The following TRAP1 variants were observed in gnomAD, a reference collection of about 807,000 sequenced individuals.
The protein encoded by TRAP1 is heat shock protein 75 kDa, mitochondrial.
Under a neutral mutation model 89.1 loss-of-function variants are expected in TRAP1, and 102 were observed. The ratio of observed to expected loss-of-function variants is 1.15; its 90% CI spans 0.98 to 1.35. The LOEUF is 1.35. Among genes scored for constraint, TRAP1 ranks in the 40% most tolerant of loss-of-function variants. The probability of loss-of-function intolerance (pLI) is 0.00; values close to 1 mark genes in which losing one functional copy is unlikely to be tolerated. For missense variants in TRAP1, 1,256 were observed against 945.3 expected (o/e 1.33, Z -4.31); for synonymous variants, 508 against 388.0 (o/e 1.31, Z -3.64).
chr16:3,662,780 G>A (rs1376741659), intron 15 of TRAP1, 102 bp downstream of exon 15: 1 of 1,099,984 alleles, frequency 9.1e-7, no homozygotes, highest in Non-Finnish European at 1.4e-6. Flanking sequence ...TTCTGCTGCT[G>A]CTGGAAGGAC....
At chr16:3,673,121 G>A (rs936206764) in intron 9 of TRAP1, among the ~76,000 whole-genome samples, 1 of 152,090 alleles carries the variant, frequency 6.6e-6, no homozygotes, top group South Asian at 2.1e-4. Context: ...CCTTGCTACA[G>A]GTCAGGGATC....
intron 2 of TRAP1, among the ~76,000 whole-genome samples, 169 bp from the exon 3 acceptor site, chr16:3,689,306 A>G (rs1201470932): frequency 2.1e-5 from 3 of 143,942 alleles, no homozygotes; most frequent in Non-Finnish European, 4.5e-5. Flanking sequence ...GTACAGTGGC[A>G]CGATCTCGGC....
intron 16 of TRAP1, 143 bp from the exon 17 acceptor site, chr16:3,659,008 T>TATAG (rs1567216534): frequency 1.3e-6 from 1 of 770,554 alleles, no homozygotes; most frequent in East Asian, 2.8e-5. Context: ...AATGATCATT[T>TATAG]ATAGATAATA....
intron 1 of TRAP1, among the ~76,000 whole-genome samples, chr16:3,701,448 G>A (rs754428056): frequency 6.6e-6 from 1 of 151,788 alleles, no homozygotes; most frequent in Non-Finnish European, 1.5e-5. Flanking sequence ...AGCACTTTGG[G>A]AGGCTGAAAC....
intron 13 of TRAP1, 76 bp downstream of exon 13, chr16:3,664,198 C>G: frequency 6.3e-6 from 9 of 1,424,612 alleles, no homozygotes; most frequent in Non-Finnish European, 8.3e-6. Flanking sequence ...CAGGTTCACC[C>G]AGCACAGAGC....
At chr16:3,672,608 G>T (rs2050929115) in intron 10 of TRAP1, 92 bp downstream of exon 10, 8 of 1,466,560 alleles carry the variant, frequency 5.5e-6, no homozygotes, top group Non-Finnish European at 3.6e-6. Flanking sequence ...GCTGCAGAGG[G>T]CTGCTGAGAA....
rs113742805 is a variant in TRAP1, at chr16:3,679,093, T to C, written c.543+626A>G. Among the ~76,000 whole-genome samples, 17 of 152,100 alleles carry C rather than the reference T, an allele frequency of 1.1e-4. No individual in the cohort carries two copies. The South Asian group carries it at 1.5e-3, about 13-fold the overall frequency. On this transcript the variant is annotated intron_variant, in intron 5 of 17. Transcript: ENST00000246957. ...GCCTCAGGAGGCTGAGGCTGGAGGATAGCCCGGCCAACATGGTGAAACCCC... is the reference window on the plus strand; with the variant it reads ...GCCTCAGGAGGCTGAGGCTGGAGGACAGCCCGGCCAACATGGTGAAACCCC...
chr16:3,677,421 T>C (rs2151257955), intron 6 of TRAP1, 77 bp downstream of exon 6: 1 of 1,580,008 alleles, frequency 6.3e-7, no homozygotes, highest in Non-Finnish European at 8.7e-7. Context: ...GTTTTCTGAG[T>C]CCATCCCTTT....
intron 11 of TRAP1, among the ~76,000 whole-genome samples, chr16:3,671,149 T>G (rs1050682570): frequency 1.3e-5 from 2 of 152,012 alleles, no homozygotes; most frequent in African/African-American, 4.8e-5. Flanking sequence ...AGCTGAATCC[T>G]CACCCCACAG....
intron 16 of TRAP1, chr16:3,660,039 C>T (rs1038562579): frequency 5.2e-4 from 79 of 152,286 alleles, no homozygotes; most frequent in African/African-American, 1.6e-3. Context: ...ACAGAGGAAA[C>T]ACTTCAAATG....
intron 2 of TRAP1, among the ~76,000 whole-genome samples, chr16:3,690,355 T>C (rs1010229285): frequency 6.6e-6 from 1 of 152,144 alleles, no homozygotes; most frequent in African/African-American, 2.4e-5. Flanking sequence ...GAAATCAAAA[T>C]AACAAGAAAA....
intron 11 of TRAP1, among the ~76,000 whole-genome samples, chr16:3,667,990 G>A (rs563304580): frequency 3.3e-4 from 49 of 146,314 alleles, no homozygotes; most frequent in African/African-American, 1.1e-3. Flanking sequence ...GTGCAGTGGC[G>A]TGATTTTGGC....
chr16:3,658,855 T>C lies in TRAP1; in HGVS notation c.1951A>G (p.Ile651Val). The C allele has an allele frequency of 6.2e-7, 1 of 1,614,072 alleles. No individual in the cohort carries two copies. The highest frequency in any genetic ancestry group is 8.5e-7 in the Non-Finnish European group (1 of 1,180,010). ...GCGCGCAGCTGATTCAGCTTCTTGA[T>C]GAGCGCGTGCCTGCAACACAGAACC... ...TLEINPRHAL[I>V]KKLNQLRASE... Residue 651 changes from isoleucine to valine, a missense_variant, in exon 17 of 18, where the codon ATC (isoleucine) becomes GTC (valine). Physicochemically the swap from Ile to Val is conservative, Grantham distance 29 (BLOSUM62 3). Coordinates refer to ENST00000246957, the MANE Select transcript of TRAP1 (RefSeq NM_016292.3).
intron 1 of TRAP1, among the ~76,000 whole-genome samples, chr16:3,695,873 GAA>G (rs2051280504): frequency 6.6e-6 from 1 of 152,176 alleles, no homozygotes; most frequent in Admixed American, 6.5e-5. Flanking sequence ...CACAGTTGAA[GAA>G]AAGTCACTGA....
chr16:3,715,459 G>C (rs1350601481), intron 1 of TRAP1, among the ~76,000 whole-genome samples: 1 of 151,980 alleles, frequency 6.6e-6, no homozygotes, highest in Non-Finnish European at 1.5e-5. Flanking sequence ...AAAAGAAAAA[G>C]AGATAAAGAA....
At position 3,677,636 on chromosome 16, in the gene TRAP1, T is replaced by C. The variant is rs760335713; in HGVS notation, c.566A>G (p.Asn189Ser). Residue 189 changes from asparagine (N) to serine (S), a missense_variant, in exon 6 of 18, where the codon AAC becomes AGC. Asn to Ser is a conservative substitution (Grantham distance 46). Transcript: ENST00000246957. ...GATCTTGCTGCTGGCCTCAGCCTGG[T>C]TCTGCAGAGCATCCAGGAAGGCCTG... ...GSKAFLDALQNQAEASSKIIG... is the reference protein window; with the variant it reads ...GSKAFLDALQSQAEASSKIIG... The C allele has an allele frequency of 6.2e-7, 1 of 1,613,996 alleles. No individual in the cohort carries two copies. The highest frequency in any genetic ancestry group is 1.1e-5 in the South Asian group (1 of 91,086).
At chr16:3,704,805 G>C (rs2051417899) in intron 1 of TRAP1, among the ~76,000 whole-genome samples, 1 of 152,114 alleles carries the variant, frequency 6.6e-6, no homozygotes, top group African/African-American at 2.4e-5. Flanking sequence ...CTTGAGGCCA[G>C]GAGTTCTAGA....
chr16:3,709,243 A>G lies in TRAP1; in HGVS notation c.88+8178T>C, dbSNP rs55807702. On this transcript the variant is annotated intron_variant, in intron 1 of 17. Coordinates refer to ENST00000246957, the MANE Select transcript of TRAP1 (RefSeq NM_016292.3). ...ACTCCATCTCAAAAAAAAAAAAAAA[A>G]AAAAGAAAAAGGCCATTGGTTCAAG... is the stretch of plus-strand genomic sequence containing the variant. Among the ~76,000 whole-genome samples the G allele has an allele frequency of 8.7e-3, 1,276 of 146,742 alleles. 8 individuals carry two copies. The highest frequency in any genetic ancestry group is 0.013 in the Non-Finnish European group (870 of 66,126).
chr16:3,675,563 C>T (rs998834372), intron 7 of TRAP1, among the ~76,000 whole-genome samples, 166 bp from the exon 8 acceptor site: 1 of 152,200 alleles, frequency 6.6e-6, no homozygotes, highest in East Asian at 1.9e-4. Context: ...GTCCTCCCCC[C>T]AGTCTCACGG....
Sources: allele counts gnomAD v4.1 joint callset (sites outside exome capture counted in the v4.1 genomes callset), GRCh38; gene constraint gnomAD v4.1.1; transcripts MANE v1.5; gene names NCBI Gene and HGNC (gene_info 2026-07-23, HGNC 2026-07-21).